Variants in RBFOX1 observed in about 807,000 individuals in gnomAD.
The protein encoded by RBFOX1 is RNA binding fox-1 homolog 1.
Under a neutral mutation model 57.7 loss-of-function variants are expected in RBFOX1, and 8 were observed. The observed-to-expected ratio is 0.14, with a 90% CI of 0.08 to 0.25. The LOEUF (loss-of-function observed/expected upper bound fraction) is 0.25, where lower values mean the gene tolerates loss of function less well. Among genes scored for constraint, RBFOX1 ranks in the 10% least tolerant of loss-of-function variants. RBFOX1 has a pLI of 1.00. For synonymous variants in RBFOX1, 326 were observed against 222.4 expected, an observed-to-expected ratio of 1.47 and a Z score of -4.15; for missense variants, 611 against 548.5, an observed-to-expected ratio of 1.11 and a Z score of -1.14.
intron 1 of RBFOX1, among the ~76,000 whole-genome samples, chr16:6,211,190 T>G (rs2097295123): frequency 6.7e-6 from 1 of 148,450 alleles, no homozygotes; most frequent in Admixed American, 6.7e-5. Flanking sequence ...TTCTTCTTCT[T>G]TTTTTTTTTT....
intron 4 of RBFOX1, among the ~76,000 whole-genome samples, chr16:7,337,531 T>C (rs1005430497): frequency 2.6e-5 from 4 of 152,082 alleles, no homozygotes; most frequent in Non-Finnish European, 5.9e-5. Flanking sequence ...AACATAGATC[T>C]CAAGAGTGAA....
intron 1 of RBFOX1, among the ~76,000 whole-genome samples, chr16:5,400,584 AAATAGAAAATTAAAACTTACAT>A (rs2066687956): frequency 6.6e-6 from 1 of 152,180 alleles, no homozygotes. Context: ...AAGTCTCTGA[AAATAGAAAATTAAAACTTACAT>A]AATATTCCAT....
chr16:6,196,266 T>A (rs1033740465), intron 1 of RBFOX1, among the ~76,000 whole-genome samples: 1 of 152,222 alleles, frequency 6.6e-6, no homozygotes, highest in Non-Finnish European at 1.5e-5. Flanking sequence ...GTGCTTTTTT[T>A]ACCCCTGCAC....
At chr16:5,986,272 C>T (rs1284019856) in intron 4 of RBFOX1, among the ~76,000 whole-genome samples, 2 of 152,148 alleles carry the variant, frequency 1.3e-5, no homozygotes, top group Non-Finnish European at 2.9e-5. Flanking sequence ...CCAAGTTGCT[C>T]AGGCTGGTCT....
intron 2 of RBFOX1, among the ~76,000 whole-genome samples, chr16:5,505,120 A>G (rs1324110871): frequency 6.6e-6 from 1 of 152,182 alleles, no homozygotes. Flanking sequence ...GCAGTGTATG[A>G]GTTATAGCTC....
chr16:6,737,584 T>C (rs893621095), intron 3 of RBFOX1, among the ~76,000 whole-genome samples: 2 of 152,128 alleles, frequency 1.3e-5, no homozygotes, highest in Non-Finnish European at 2.9e-5. Context: ...CTAGGATGTG[T>C]TTTCTCGCCC....
At chr16:5,804,794 C>G (rs1329448963) in intron 3 of RBFOX1, among the ~76,000 whole-genome samples, 3 of 152,180 alleles carry the variant, frequency 2.0e-5, no homozygotes, top group Non-Finnish European at 4.4e-5. Context: ...GACAAATATA[C>G]TTAGCAGGTG....
chr16:5,756,475 G>A (rs192699070), intron 3 of RBFOX1, among the ~76,000 whole-genome samples: 1 of 152,166 alleles, frequency 6.6e-6, no homozygotes, highest in African/African-American at 2.4e-5. Flanking sequence ...TCTCCCAAAT[G>A]CCCAGGCTGG....
chr16:7,700,461 T>C (rs1425578506), intron 14 of RBFOX1, among the ~76,000 whole-genome samples: 1 of 152,212 alleles, frequency 6.6e-6, no homozygotes, highest in African/African-American at 2.4e-5. Context: ...CCCCAGCTGC[T>C]GTTCAACCCT....
At chr16:6,333,144 A>G (rs974012828) in intron 2 of RBFOX1, among the ~76,000 whole-genome samples, 2 of 152,042 alleles carry the variant, frequency 1.3e-5, no homozygotes, top group African/African-American at 4.8e-5. Context: ...GGCTCAAGCA[A>G]TTCTCCTGAC....
chr16:7,121,288 T>C (rs1012434784), intron 4 of RBFOX1, among the ~76,000 whole-genome samples: 4 of 152,070 alleles, frequency 2.6e-5, no homozygotes, highest in Non-Finnish European at 5.9e-5. Flanking sequence ...AAAAGAATTA[T>C]AGAGCATATC....
At chr16:7,423,070 T>G (rs2098557793) in intron 4 of RBFOX1, 1 of 144,462 alleles carries the variant, frequency 6.9e-6, no homozygotes, top group South Asian at 2.3e-4. Flanking sequence ...TCTCTGAAAC[T>G]AGGAGAGAGA....
chr16:6,083,263 A>G lies in RBFOX1; in HGVS notation c.-127+63271A>G, dbSNP rs1022320168. Among the ~76,000 whole-genome samples the G allele has an allele frequency of 4.6e-5, 7 of 152,260 alleles. No individual in the cohort carries two copies. In the East Asian group the frequency reaches 1.4e-3, roughly 30 times the overall value. On this transcript the variant is annotated intron_variant, in intron 1 of 15. Coordinates refer to ENST00000550418, the MANE Select transcript of RBFOX1 (RefSeq NM_018723.4). The stretch of plus-strand genomic sequence containing the variant: ...AGTGATCTGCCCGCCTCGGCCTCCC[A>G]AAGTTCTAGGATTACAGGCGTGAGC...
At chr16:6,081,530 C>G (rs191178240) in intron 1 of RBFOX1, among the ~76,000 whole-genome samples, 1 of 152,142 alleles carries the variant, frequency 6.6e-6, no homozygotes, top group East Asian at 1.9e-4. Context: ...GTTTGTTGCT[C>G]TCTGCTGCCC....
intron 1 of RBFOX1, among the ~76,000 whole-genome samples, chr16:6,079,360 G>C (rs1167636465): frequency 1.3e-5 from 2 of 152,250 alleles, no homozygotes; most frequent in East Asian, 1.9e-4. Context: ...TTGCCAGGTT[G>C]GAGTGTGGCA....
chr16:5,400,074 T>C (rs1213422547), intron 1 of RBFOX1, among the ~76,000 whole-genome samples: 1 of 152,028 alleles, frequency 6.6e-6, no homozygotes, highest in African/African-American at 2.4e-5. Flanking sequence ...GCTTTTCTTC[T>C]TTCCTTTTCT....
intron 3 of RBFOX1, among the ~76,000 whole-genome samples, chr16:6,965,692 C>G (rs778364841): frequency 6.6e-5 from 10 of 152,158 alleles, no homozygotes; most frequent in East Asian, 5.8e-4. Flanking sequence ...ACTATATTAT[C>G]TGAACTTAAA....
chr16:5,669,152 C>G (rs1241406135), intron 3 of RBFOX1, among the ~76,000 whole-genome samples: 2 of 152,100 alleles, frequency 1.3e-5, no homozygotes, highest in Non-Finnish European at 2.9e-5. Flanking sequence ...GAGGGTTGGC[C>G]TTTACCCCTA....
intron 3 of RBFOX1, among the ~76,000 whole-genome samples, chr16:5,836,172 C>G (rs962312604): frequency 6.6e-6 from 1 of 152,164 alleles, no homozygotes; most frequent in African/African-American, 2.4e-5. Context: ...GCCGCCAGCA[C>G]CAAGGGGGAC....
Sources: gnomAD v4.1 joint callset for allele counts (sites outside exome capture counted in the v4.1 genomes callset) on GRCh38, gnomAD v4.1.1 for gene constraint, MANE v1.5 for transcripts, NCBI Gene and HGNC (gene_info 2026-07-23, HGNC 2026-07-21) for gene names.